Variants in RALGAPB observed in about 807,000 individuals in gnomAD.
The protein encoded by RALGAPB is Ral GTPase activating protein non-catalytic subunit beta.
In RALGAPB, 25 loss-of-function variants were observed where a neutral mutation model predicts 161.1. The observed-to-expected ratio is 0.16, with a 90% CI of 0.11 to 0.22. RALGAPB has a LOEUF of 0.22. Ranked by LOEUF, RALGAPB falls within the 10% of genes least tolerant of loss-of-function variation. The pLI is 1.00. For synonymous variants in RALGAPB, 629 were observed against 626.1 expected, an observed-to-expected ratio of 1.00 and a Z score of -0.07; for missense variants, 1,391 against 1,815.2, an observed-to-expected ratio of 0.77 and a Z score of 4.25.
chr20:38,483,258 G>A (rs755710372), intron 1 of RALGAPB, among the ~76,000 whole-genome samples: 3 of 152,154 alleles, frequency 2.0e-5, no homozygotes, highest in Non-Finnish European at 4.4e-5. Flanking sequence ...CTTTTGCAAC[G>A]TTACCCAGCT....
chr20:38,567,070 G>A, intron 25 of RALGAPB, 26 bp from the exon 26 acceptor site: 1 of 1,608,774 alleles, frequency 6.2e-7, no homozygotes, highest in Non-Finnish European at 8.5e-7. Flanking sequence ...ATGTATTATA[G>A]TTGCTTTTTT....
rs186589721 is a variant in RALGAPB, at chr20:38,490,938, C to A, written c.187-1992C>A. 8.6e-4 allele frequency among the ~76,000 whole-genome samples: 131 copies of A among 152,358 alleles called. 1 individual carries two copies. Among genetic ancestry groups the A allele is most frequent in the Middle Eastern group, 3.4e-3 (1 of 294 alleles). On this transcript the variant is annotated intron_variant, in intron 2 of 29. Coordinates refer to ENST00000262879, the MANE Select transcript of RALGAPB (RefSeq NM_020336.4). ...GGGATTACGGTTGTGGGCCACTACG[C>A]CTGGCCTAGAATTATAAAATTAAAC...
chr20:38,487,058 A>G lies in RALGAPB; in HGVS notation c.-30-1345A>G, dbSNP rs1346936971. On this transcript the variant is annotated intron_variant, in intron 1 of 29. Transcript: ENST00000262879. ...TCAGCTGAGAGGAGTTGGTCTAAGG[A>G]GTCAAGAAAGGTTTTACCAAAGAGA... Among the ~76,000 whole-genome samples the G allele has an allele frequency of 2.6e-5, 4 of 152,218 alleles. No individual in the cohort carries two copies. In the East Asian group the frequency reaches 7.7e-4, roughly 29 times the overall value.
intron 4 of RALGAPB, 42 bp downstream of exon 4, chr20:38,497,558 A>G (rs1233219135): frequency 3.2e-6 from 5 of 1,566,620 alleles, no homozygotes; most frequent in African/African-American, 2.8e-5. Context: ...CTGAGCTCCA[A>G]ATACAGTTCA....
chr20:38,515,192 G>A (rs1003123971), intron 6 of RALGAPB, among the ~76,000 whole-genome samples: 2 of 152,198 alleles, frequency 1.3e-5, no homozygotes, highest in African/African-American at 2.4e-5. Context: ...GACTAGTCCA[G>A]TTCTATGGAA....
chr20:38,525,249 A>G (rs2086423617), intron 11 of RALGAPB, among the ~76,000 whole-genome samples, 155 bp from the exon 12 acceptor site: 2 of 152,216 alleles, frequency 1.3e-5, no homozygotes, highest in African/African-American at 2.4e-5. Context: ...CAATCAATCA[A>G]CTTCTAGTTT....
At position 38,547,500 on chromosome 20, in the gene RALGAPB, G is replaced by T. The variant is rs2087208488; in HGVS notation, c.2902+1070G>T. 2.0e-5 allele frequency: 3 copies of T among 152,092 alleles called. No individual in the cohort carries two copies. In the South Asian group the frequency reaches 6.2e-4, roughly 32 times the overall value. The allele number at this position is 152,092 out of a possible 1,614,324, so 9.4% of individuals were successfully genotyped here. ...ATTGTCCCTTTCTATTATTATTGTC[G>T]CACAGTGATAGGATTTGCTCAGTGA... On this transcript the variant is annotated intron_variant, in intron 19 of 29. Coordinates refer to ENST00000262879, the MANE Select transcript of RALGAPB (RefSeq NM_020336.4).
chr20:38,497,750 G>A (rs1225297094), intron 4 of RALGAPB, among the ~76,000 whole-genome samples: 1 of 152,100 alleles, frequency 6.6e-6, no homozygotes, highest in South Asian at 2.1e-4. Flanking sequence ...AGTGAATTAT[G>A]CATGTTTGAT....
chr20:38,518,388 A>G (rs2086195162), intron 9 of RALGAPB, among the ~76,000 whole-genome samples: 1 of 152,350 alleles, frequency 6.6e-6, no homozygotes, highest in Admixed American at 6.5e-5. Context: ...TTTGACAGCC[A>G]TTCACTCATT....
intron 22 of RALGAPB, among the ~76,000 whole-genome samples, chr20:38,556,662 TA>T (rs1284803881): frequency 6.6e-6 from 1 of 151,920 alleles, no homozygotes; most frequent in East Asian, 1.9e-4. Flanking sequence ...TTAAGAGATA[TA>T]AAATATGTAT....
At chr20:38,563,329 G>T (rs2087858167) in intron 24 of RALGAPB, among the ~76,000 whole-genome samples, 1 of 152,132 alleles carries the variant, frequency 6.6e-6, no homozygotes, top group African/African-American at 2.4e-5. Context: ...TTCCTAACAA[G>T]CATGTTTTGT....
chr20:38,522,687 A>G lies in RALGAPB; in HGVS notation c.1619+989A>G, dbSNP rs576161421. 2.0e-5 allele frequency among the ~76,000 whole-genome samples: 3 copies of G among 152,316 alleles called. No individual in the cohort carries two copies. In the South Asian group the frequency reaches 6.2e-4, roughly 32 times the overall value. ...CAGAGGGAACCAAGTACAGAATTTT[A>G]TAGATATGAAAAAGAATGGTATATA... is the stretch of plus-strand genomic sequence containing the variant. On this transcript the variant is annotated intron_variant, in intron 10 of 29. Coordinates refer to ENST00000262879, the MANE Select transcript of RALGAPB (RefSeq NM_020336.4).
rs1183745924 is a variant in RALGAPB, at chr20:38,577,120, C to G, written c.*2153C>G. ...GTGCAGCCCCTGAAGGCATGAAACT[C>G]CCAGTGTGTACGGAGCCAGTGGAAT... On this transcript the variant is annotated 3_prime_UTR_variant, in exon 30 of 30. Coordinates refer to ENST00000262879, the MANE Select transcript of RALGAPB (RefSeq NM_020336.4). 6.6e-6 allele frequency: 1 copy of G among 152,216 alleles called. No homozygotes were observed. The highest frequency in any genetic ancestry group is 2.4e-5 in the African/African-American group (1 of 41,456). 9.4% of individuals were successfully genotyped at this position (152,216 alleles called of 1,614,324 possible). A position where few individuals can be genotyped will look rare whatever the true frequency, so the allele number is the denominator to read the frequency against.
intron 2 of RALGAPB, among the ~76,000 whole-genome samples, chr20:38,490,604 T>A (rs1000101179): frequency 2.0e-5 from 3 of 151,472 alleles, no homozygotes; most frequent in Non-Finnish European, 4.4e-5. Flanking sequence ...CCTCCCAGGT[T>A]CAAGCGATTC....
At chr20:38,491,704 A>T (rs1600845180) in intron 2 of RALGAPB, among the ~76,000 whole-genome samples, 1 of 152,144 alleles carries the variant, frequency 6.6e-6, no homozygotes, top group East Asian at 1.9e-4. Context: ...CTGTTTTCTT[A>T]TGTGTACAGT....
chr20:38,538,364 AC>A, intron 16 of RALGAPB: 1 of 219,376 alleles, frequency 4.6e-6, no homozygotes, highest in Non-Finnish European at 1.0e-5. Context: ...CCCCTGCCTG[AC>A]CACGTGAGCA....
chr20:38,500,213 T>C (rs1010988332), intron 5 of RALGAPB, among the ~76,000 whole-genome samples: 1 of 152,144 alleles, frequency 6.6e-6, no homozygotes, highest in African/African-American at 2.4e-5. Context: ...TTATTGCACT[T>C]GACTGTATTG....
chr20:38,542,995 G>T (rs2087023353), intron 18 of RALGAPB, among the ~76,000 whole-genome samples: 1 of 152,166 alleles, frequency 6.6e-6, no homozygotes, highest in Non-Finnish European at 1.5e-5. Flanking sequence ...CTCCATCCTA[G>T]CCTGGATGGG....
intron 18 of RALGAPB, 135 bp downstream of exon 18, chr20:38,541,327 A>G (rs2145390913): frequency 2.2e-6 from 2 of 924,296 alleles, no homozygotes; most frequent in African/African-American, 1.7e-5. Context: ...TTCTCCAGAA[A>G]TAAAATGGGA....
Sources: gnomAD v4.1 joint callset for allele counts (sites outside exome capture counted in the v4.1 genomes callset) on GRCh38, gnomAD v4.1.1 for gene constraint, MANE v1.5 for transcripts, NCBI Gene and HGNC (gene_info 2026-07-23, HGNC 2026-07-21) for gene names.